The following SPMIP2 variants were observed in gnomAD, a reference collection of about 807,000 sequenced individuals.
SPMIP2 encodes the protein protein SPMIP2.
chr4:158,970,527 G>T, the SPMIP2 span, among the ~76,000 whole-genome samples: 3 of 143,362 alleles, frequency 2.1e-5, no homozygotes, highest in Non-Finnish European at 4.5e-5. Context: ...GGGACACAGT[G>T]AGACCTTGTC....
At chr4:158,909,023 T>C in the SPMIP2 span, among the ~76,000 whole-genome samples, 1 of 152,196 alleles carries the variant, frequency 6.6e-6, no homozygotes, top group Non-Finnish European at 1.5e-5. Context: ...TGCCCCAATA[T>C]TTATGTATTA....
chr4:159,000,518 G>A, the SPMIP2 span, among the ~76,000 whole-genome samples: 13 of 147,050 alleles, frequency 8.8e-5, no homozygotes. Flanking sequence ...TTTTTGAGAG[G>A]GAGTCTTGCT....
the SPMIP2 span, among the ~76,000 whole-genome samples, chr4:158,900,186 T>G: frequency 6.6e-6 from 1 of 152,246 alleles, no homozygotes; most frequent in Non-Finnish European, 1.5e-5. Context: ...GAGTTCTAAT[T>G]TGATTGCACT....
chr4:158,927,448 T>G, the SPMIP2 span, among the ~76,000 whole-genome samples: 1 of 152,244 alleles, frequency 6.6e-6, no homozygotes, highest in Non-Finnish European at 1.5e-5. Context: ...CTCTTACTTT[T>G]AAAAATTTTA....
At chr4:158,910,130 C>T in the SPMIP2 span, among the ~76,000 whole-genome samples, 1 of 152,172 alleles carries the variant, frequency 6.6e-6, no homozygotes. Context: ...ACCCTCCTGC[C>T]TCAGCTTCCC....
chr4:159,079,144 T>C, the SPMIP2 span, among the ~76,000 whole-genome samples: 1 of 151,728 alleles, frequency 6.6e-6, no homozygotes, highest in Non-Finnish European at 1.5e-5. Flanking sequence ...ATAATAATAA[T>C]AATAACTGGA....
At chr4:159,027,300 T>C in the SPMIP2 span, among the ~76,000 whole-genome samples, 2 of 152,178 alleles carry the variant, frequency 1.3e-5, no homozygotes, top group African/African-American at 2.4e-5. Context: ...TTTCAATAAA[T>C]GGCCCATTAT....
At chr4:159,052,194 A>G in the SPMIP2 span, among the ~76,000 whole-genome samples, 1 of 152,204 alleles carries the variant, frequency 6.6e-6, no homozygotes, top group Non-Finnish European at 1.5e-5. Context: ...CCTAGTTCGC[A>G]CAATGTTTTG....
chr4:158,893,672 A>G, the SPMIP2 span: 1 of 1,580,858 alleles, frequency 6.3e-7, no homozygotes, highest in Non-Finnish European at 8.6e-7. Flanking sequence ...TTCTCCTTCT[A>G]AAAGCAGGTT....
chr4:158,985,984 C>T, the SPMIP2 span, among the ~76,000 whole-genome samples: 84 of 147,550 alleles, frequency 5.7e-4, 3 homozygotes, highest in Non-Finnish European at 1.6e-4. Flanking sequence ...TTCTTATACA[C>T]CAACAACAGA....
At chr4:159,072,793 C>T in the SPMIP2 span, among the ~76,000 whole-genome samples, 2 of 151,922 alleles carry the variant, frequency 1.3e-5, no homozygotes, top group East Asian at 1.9e-4. Context: ...GAAACTACTT[C>T]GCCAGTAATA....
At chr4:159,066,629 A>T in the SPMIP2 span, among the ~76,000 whole-genome samples, 1 of 142,928 alleles carries the variant, frequency 7.0e-6, no homozygotes, top group Non-Finnish European at 1.5e-5. Flanking sequence ...ATAGTATTAA[A>T]GGGTTGAGTA....
At chr4:158,975,029 G>T in the SPMIP2 span, among the ~76,000 whole-genome samples, 2 of 152,120 alleles carry the variant, frequency 1.3e-5, no homozygotes, top group Non-Finnish European at 2.9e-5. Context: ...TCTTACTGTG[G>T]TTTTGATTTT....
chr4:158,974,421 C>T, the SPMIP2 span, among the ~76,000 whole-genome samples: 2 of 152,134 alleles, frequency 1.3e-5, no homozygotes, highest in Non-Finnish European at 2.9e-5. Context: ...AACCCGTCAT[C>T]TACATTAGGT....
At chr4:158,973,611 A>G in the SPMIP2 span, among the ~76,000 whole-genome samples, 2 of 152,172 alleles carry the variant, frequency 1.3e-5, no homozygotes, top group Non-Finnish European at 2.9e-5. Flanking sequence ...AATTATAGCT[A>G]ACAAGCTCTT....
At chr4:158,977,638 G>A in the SPMIP2 span, among the ~76,000 whole-genome samples, 7 of 92,444 alleles carry the variant, frequency 7.6e-5, no homozygotes, top group East Asian at 9.8e-4. Flanking sequence ...TCTTTGAGAC[G>A]GAGTCTCGCT....
chr4:158,954,585 T>C, the SPMIP2 span, among the ~76,000 whole-genome samples: 3 of 152,348 alleles, frequency 2.0e-5, no homozygotes, highest in East Asian at 5.8e-4. Flanking sequence ...TGCCCAGCTG[T>C]TTAATAACAC....
chr4:158,927,315 T>C, the SPMIP2 span, among the ~76,000 whole-genome samples: 1 of 152,210 alleles, frequency 6.6e-6, no homozygotes, highest in South Asian at 2.1e-4. Flanking sequence ...TTCTAACTCT[T>C]TGATTACTAC....
chr4:159,052,962 T>TTTA, the SPMIP2 span, among the ~76,000 whole-genome samples: 2 of 141,212 alleles, frequency 1.4e-5, no homozygotes, highest in Non-Finnish European at 3.0e-5. Flanking sequence ...ATTATTTTTT[T>TTTA]TTTTTTTTTT....
Sources: gnomAD v4.1 joint callset for allele counts (sites outside exome capture counted in the v4.1 genomes callset) on GRCh38, gnomAD v4.1.1 for gene constraint, MANE v1.5 for transcripts, NCBI Gene and HGNC (gene_info 2026-07-23, HGNC 2026-07-21) for gene names.